MEGF6: variants seen among roughly 807,000 people sequenced by gnomAD.
The protein encoded by MEGF6 is multiple epidermal growth factor-like domains protein 6.
Under a neutral mutation model 207.1 loss-of-function variants are expected in MEGF6, and 184 were observed. That is an observed-to-expected ratio of 0.89 (90% CI 0.79 to 1.00). The LOEUF (loss-of-function observed/expected upper bound fraction) is 1.00. Ranked by LOEUF, MEGF6 falls within the 50% of genes least tolerant of loss-of-function variation. MEGF6 has a pLI of 0.00. For missense variants in MEGF6, 2,282 were observed against 2,202.9 expected, an observed-to-expected ratio of 1.04 and a Z score of -0.72; for synonymous variants, 1,038 against 910.0, an observed-to-expected ratio of 1.14 and a Z score of -2.53.
chr1:3,490,664 C>T, intron 36 of MEGF6, 75 bp from the exon 37 acceptor site: 1 of 1,504,982 alleles, frequency 6.6e-7, no homozygotes, highest in Non-Finnish European at 9.1e-7. Flanking sequence ...TCTGGGTTGG[C>T]ACCTCTCCCT....
rs149697439 is a variant in MEGF6, at chr1:3,591,164, A to G, written c.376+4174T>C. Among the ~76,000 whole-genome samples the G allele has an allele frequency of 3.7e-3, 565 of 152,322 alleles. 2 individuals are homozygous for G. The highest frequency in any genetic ancestry group is 0.013 in the African/African-American group (521 of 41,578). ...AGCAGCCGCGCCCCGCCCTCCTCGCATGAGCCAGCAGAGATGGGAAGCGCA... is the reference window on the plus strand; with the variant it reads ...AGCAGCCGCGCCCCGCCCTCCTCGCGTGAGCCAGCAGAGATGGGAAGCGCA... On this transcript the variant is annotated intron_variant, in intron 3 of 36. Coordinates refer to ENST00000356575, the MANE Select transcript of MEGF6 (RefSeq NM_001409.4).
chr1:3,498,815 C>G lies in MEGF6; in HGVS notation c.3106G>C (p.Gly1036Arg), dbSNP rs926266658. Residue 1036 changes from glycine to arginine, a missense_variant, in exon 25 of 37, where the codon GGC becomes CGC. Transcript: ENST00000356575. ...TGCCGACAGTTGTCGCCGTACAGGC[C>G]GGCAGGGCAGGCTGGGGCCAGGGAA... ...GPSCLQACPA[G>R]LYGDNCRHSC... 7 of 1,553,162 alleles carry G rather than the reference C, an allele frequency of 4.5e-6. No individual in the cohort carries two copies. Among genetic ancestry groups the G allele is most frequent in the Non-Finnish European group, 6.1e-6 (7 of 1,148,742 alleles).
chr1:3,587,256 G>A (rs1481335514), intron 3 of MEGF6, among the ~76,000 whole-genome samples: 1 of 152,268 alleles, frequency 6.6e-6, no homozygotes, highest in Admixed American at 6.5e-5. Context: ...GCCTTCAGCT[G>A]CTGGAAAGGG....
chr1:3,577,009 C>T (rs1307323678), intron 4 of MEGF6, among the ~76,000 whole-genome samples: 1 of 148,314 alleles, frequency 6.7e-6, no homozygotes, highest in Non-Finnish European at 1.5e-5. Flanking sequence ...CACCCCTGCA[C>T]ACCTGGCCCT....
At chr1:3,575,410 C>CCTG (rs1255487003) in intron 4 of MEGF6, among the ~76,000 whole-genome samples, 1 of 152,176 alleles carries the variant, frequency 6.6e-6, no homozygotes, top group Admixed American at 6.5e-5. Flanking sequence ...AACTGGCAGT[C>CCTG]CTGGGGGATC....
In MEGF6 at chr1:3,598,116, G is replaced by A. The variant is rs916263445; in HGVS notation, c.267-2669C>T. 3.3e-5 allele frequency among the ~76,000 whole-genome samples: 5 copies of A among 152,186 alleles called. No individual in the cohort carries two copies. In the South Asian group the frequency reaches 6.2e-4, roughly 19 times the overall value. ...CCAGCCACCCTCCCCCATCTCTGCC[G>A]CTGTCTGCAGGGGCGGTGACCAGGG... On this transcript the variant is annotated intron_variant, in intron 2 of 36. Transcript: ENST00000356575.
intron 7 of MEGF6, among the ~76,000 whole-genome samples, chr1:3,513,885 C>T (rs193272336): frequency 6.6e-6 from 1 of 151,956 alleles, no homozygotes; most frequent in Non-Finnish European, 1.5e-5. Context: ...AGCCACAGCG[C>T]CTGGCTCATT....
At chr1:3,621,543 T>A in the MEGF6 span, among the ~76,000 whole-genome samples, 1 of 152,268 alleles carries the variant, frequency 6.6e-6, no homozygotes. Context: ...ATCTATGATC[T>A]AGATCTAGTA....
At chr1:3,605,659 C>G (rs1439943117) in intron 1 of MEGF6, among the ~76,000 whole-genome samples, 2 of 103,690 alleles carry the variant, frequency 1.9e-5, no homozygotes, top group Non-Finnish European at 5.2e-5. Context: ...CGCATGCAAG[C>G]TCACAAACTC....
Position 3,556,494 on chromosome 1 carries a change from TCCTCTCGGCCG to T in MEGF6, c.481+23320_481+23330del, listed in dbSNP as rs1643034884. Among the ~76,000 whole-genome samples the T allele has an allele frequency of 6.6e-6, 1 of 151,986 alleles. No homozygotes were observed. The highest frequency in any genetic ancestry group is 6.5e-5 in the Admixed American group (1 of 15,270). On this transcript the variant is annotated intron_variant, in intron 4 of 36. Transcript: ENST00000356575. The surrounding 1 kb of genome is among the most constrained non-coding windows in gnomAD (Gnocchi z 4.4). ...GGCAAAGCAAGAGACGCCCTGGGCC[TCCTCTCGGCCG>T]CCCACCAGGTTTTCTGCCTGCTTCC...
rs751615455 is a variant in MEGF6 at position 3,505,388 on chromosome 1, G to GCCCC, written c.2053+30_2053+33dup. On this transcript the variant is annotated intron_variant, in intron 16 of 36. Transcript: ENST00000356575. ...GTGGGTGGGGTTAACCGACCCTGGCGCCCCCCGCCCCCAGACCCCATGCCT... is the reference window on the plus strand; with the variant it reads ...GTGGGTGGGGTTAACCGACCCTGGCGCCCCCCCCCCGCCCCCAGACCCCATGCCT... The GCCCC allele has an allele frequency of 4.1e-5, 64 of 1,574,778 alleles. 1 individual carries two copies. Among genetic ancestry groups the GCCCC allele is most frequent in the Admixed American group, 2.7e-4 (15 of 54,976 alleles).
chr1:3,523,083 G>GT (rs1021801110), intron 5 of MEGF6, among the ~76,000 whole-genome samples: 2 of 151,980 alleles, frequency 1.3e-5, no homozygotes, highest in Non-Finnish European at 2.9e-5. Flanking sequence ...CCGGGGGGGG[G>GT]GCCCCAGGGC....
chr1:3,504,444 C>G (rs1641028160), intron 17 of MEGF6, among the ~76,000 whole-genome samples: 1 of 151,996 alleles, frequency 6.6e-6, no homozygotes, highest in Non-Finnish European at 1.5e-5. Context: ...CCAGCTTGGT[C>G]AGCTTTCTGC....
the MEGF6 span, among the ~76,000 whole-genome samples, chr1:3,618,605 C>T: frequency 6.6e-6 from 1 of 152,192 alleles, no homozygotes; most frequent in South Asian, 2.1e-4. This position sits in a 1 kb window ranked among gnomAD's most constrained non-coding sequence, Gnocchi z 4.7. Flanking sequence ...AGGCCCCTTC[C>T]CCGCCGGCAG....
Position 3,494,511 on chromosome 1 carries a change from G to A in MEGF6, c.4001-12C>T. ...CCCAGGGGGACAGGCTGGGGACAGG[G>A]CAGGGTGGGCAGTCCTTCGGCACCA... On this transcript the variant is annotated splice_polypyrimidine_tract_variant and intron_variant, in intron 31 of 36. Transcript: ENST00000356575. 1.3e-6 allele frequency: 2 copies of A among 1,584,862 alleles called. No homozygotes were observed. The highest frequency in any genetic ancestry group is 2.3e-5 in the East Asian group (1 of 43,562).
chr1:3,613,758 C>T (rs534527411), upstream of MEGF6, among the ~76,000 whole-genome samples: 4 of 152,306 alleles, frequency 2.6e-5, no homozygotes, highest in South Asian at 2.1e-4. Flanking sequence ...TACTCGGCCT[C>T]GTGTATGCAT....
Position 3,602,641 on chromosome 1 carries a change from CA to C in MEGF6, c.132-42del. ...GGAGAGTCAGCGCCTCGGCCACCCCCAGCCGGCAACACCCACCCCTCCTGCA... is the reference window on the plus strand; with the variant it reads ...GGAGAGTCAGCGCCTCGGCCACCCCCGCCGGCAACACCCACCCCTCCTGCA... On this transcript the variant is annotated intron_variant, in intron 1 of 36. Transcript: ENST00000356575. The C allele has an allele frequency of 1.0e-5, 16 of 1,570,082 alleles. 1 individual carries two copies. Among genetic ancestry groups the C allele is most frequent in the Non-Finnish European group, 1.4e-5 (16 of 1,154,992 alleles).
At chr1:3,552,421 G>C (rs529794566) in intron 4 of MEGF6, among the ~76,000 whole-genome samples, 2 of 152,256 alleles carry the variant, frequency 1.3e-5, no homozygotes, top group East Asian at 1.9e-4. Context: ...GTAAGACCAC[G>C]CGTGGCGGCT....
intron 5 of MEGF6, among the ~76,000 whole-genome samples, chr1:3,520,322 T>G (rs1464679773): frequency 1.3e-5 from 2 of 152,222 alleles, no homozygotes; most frequent in African/African-American, 4.8e-5. Context: ...TCCAGCGCAG[T>G]GCTAGACCAC....
Sources: gnomAD v4.1 joint callset for allele counts (sites outside exome capture counted in the v4.1 genomes callset) on GRCh38, gnomAD v4.1.1 for gene constraint, Gnocchi (gnomAD v3.1) non-coding constraint, MANE v1.5 for transcripts, NCBI Gene and HGNC (gene_info 2026-07-23, HGNC 2026-07-21) for gene names.